LYPD6B: variants seen among roughly 807,000 people sequenced by gnomAD.
LYPD6B encodes the protein LY6/PLAUR domain containing 6B, also known as ly6/PLAUR domain-containing protein 6B.
LYPD6B carries 17 observed loss-of-function variants against 22.8 expected under a neutral mutation model. That is an observed-to-expected ratio of 0.75 (90% CI 0.51 to 1.12). The LOEUF (loss-of-function observed/expected upper bound fraction) is 1.12, where lower values mean the gene tolerates loss of function less well. Ranked by LOEUF, LYPD6B falls within the 50% of genes most tolerant of loss-of-function variation. The pLI is 0.00. For missense variants in LYPD6B, 221 were observed against 258.3 expected (o/e 0.86, Z 0.99); for synonymous variants, 106 against 91.6 (o/e 1.16, Z -0.90).
intron 1 of LYPD6B, among the ~76,000 whole-genome samples, chr2:149,124,343 A>G (rs1476112045): frequency 6.6e-6 from 1 of 152,198 alleles, no homozygotes; most frequent in Non-Finnish European, 1.5e-5. Context: ...CTTTGCATAT[A>G]GCAGATAATT....
chr2:149,042,450 A>G (rs1046737033), intron 1 of LYPD6B, among the ~76,000 whole-genome samples: 1 of 152,204 alleles, frequency 6.6e-6, no homozygotes, highest in Admixed American at 6.5e-5. Flanking sequence ...AGACATGATC[A>G]CTAATGCTGG....
At chr2:149,212,867 T>C in intron 5 of LYPD6B, 125 bp from the exon 6 acceptor site, 2 of 920,568 alleles carry the variant, frequency 2.2e-6, no homozygotes, top group Non-Finnish European at 3.2e-6. Flanking sequence ...ATGTCTTGCC[T>C]AAAAACCCCA....
intron 1 of LYPD6B, among the ~76,000 whole-genome samples, chr2:149,058,883 G>A (rs1683934965): frequency 6.6e-6 from 1 of 152,334 alleles, no homozygotes; most frequent in Admixed American, 6.5e-5. Context: ...GCCTCCCAAA[G>A]TGCTGGGATT....
At chr2:149,130,743 T>C (rs1687976671) in intron 1 of LYPD6B, 140 bp from the exon 2 acceptor site, 1 of 494,014 alleles carries the variant, frequency 2.0e-6, no homozygotes. Flanking sequence ...ACCTGGTTTG[T>C]GGTTAGGAAA....
rs1553502979 is a variant in LYPD6B at position 149,205,375 on chromosome 2, A to G, written c.200A>G (p.Asn67Ser). Residue 67 changes from asparagine (N) to serine (S), a missense_variant, in exon 4 of 7, where the codon AAC becomes AGC. Asn to Ser is a conservative substitution (Grantham distance 46). Transcript: ENST00000409642. ...AGCTGGGCATTTGCCAAGAACATCA[A>G]CTTCTATAATGTGAGGCCTCCTCTC... is the stretch of plus-strand genomic sequence containing the variant. ...SESWAFAKNINFYNVRPPLDP... is the reference protein window; with the variant it reads ...SESWAFAKNISFYNVRPPLDP... 2 of 1,613,986 alleles carry G rather than the reference A, an allele frequency of 1.2e-6. No individual in the cohort carries two copies. The highest frequency in any genetic ancestry group is 1.7e-5 in the Admixed American group (1 of 60,030).
chr2:149,052,904 C>T (rs1461002157), intron 1 of LYPD6B, among the ~76,000 whole-genome samples: 1 of 152,172 alleles, frequency 6.6e-6, no homozygotes, highest in Non-Finnish European at 1.5e-5. Context: ...CATTTGGTGT[C>T]CATTCTTCTC....
chr2:149,113,664 T>TA lies in LYPD6B; in HGVS notation c.-66-17212dup, dbSNP rs570886256. The stretch of plus-strand genomic sequence containing the variant: ...TCTCACTATAGTCTCTAGTGGGTTT[T>TA]AAAAAAATAGATCTAGAAATTGCTA... On this transcript the variant is annotated intron_variant, in intron 1 of 6. Coordinates refer to ENST00000409642, the MANE Select transcript of LYPD6B (RefSeq NM_177964.5). Among the ~76,000 whole-genome samples, 54 of 152,162 alleles carry TA rather than the reference T, an allele frequency of 3.5e-4. No homozygotes were observed. In the South Asian group the frequency reaches 3.9e-3, roughly 11 times the overall value.
chr2:149,189,823 A>G (rs1692380646), intron 3 of LYPD6B, among the ~76,000 whole-genome samples: 1 of 152,142 alleles, frequency 6.6e-6, no homozygotes, highest in African/African-American at 2.4e-5. Flanking sequence ...ATTGTCAGGT[A>G]CCCCTATGCC....
intron 3 of LYPD6B, among the ~76,000 whole-genome samples, chr2:149,188,138 A>T (rs1525169): frequency 0.83 from 125,552 of 152,124 alleles, 53,645 homozygotes; most frequent in South Asian, 0.97. Context: ...GCTCACCTGT[A>T]TGGATGTTGT....
intron 3 of LYPD6B, 37 bp from the exon 4 acceptor site, chr2:149,205,216 T>C (rs1693429072): frequency 1.3e-6 from 2 of 1,572,822 alleles, no homozygotes; most frequent in Non-Finnish European, 1.7e-6. Flanking sequence ...TGATGTAAAA[T>C]ATAAAGAAAC....
intron 1 of LYPD6B, among the ~76,000 whole-genome samples, chr2:149,111,968 GGAA>G (rs1322557984): frequency 1.3e-5 from 2 of 152,160 alleles, no homozygotes; most frequent in Admixed American, 6.6e-5. Context: ...TCAAAGTTGA[GGAA>G]AATAAGGTCT....
intron 1 of LYPD6B, among the ~76,000 whole-genome samples, chr2:149,046,660 T>A (rs1326974664): frequency 6.6e-6 from 1 of 152,144 alleles, no homozygotes; most frequent in Non-Finnish European, 1.5e-5. Context: ...TTCTTACCTA[T>A]GCCTCTTTAC....
At chr2:149,136,565 A>T (rs1449532070) in intron 2 of LYPD6B, among the ~76,000 whole-genome samples, 1 of 152,180 alleles carries the variant, frequency 6.6e-6, no homozygotes, top group Non-Finnish European at 1.5e-5. Flanking sequence ...CTACTGAAAG[A>T]TTTTACTGTG....
chr2:149,100,171 A>C (rs1033570423), intron 1 of LYPD6B, among the ~76,000 whole-genome samples: 1 of 152,000 alleles, frequency 6.6e-6, no homozygotes, highest in Non-Finnish European at 1.5e-5. Flanking sequence ...CTGTATTTTC[A>C]AGTTATCATC....
chr2:149,165,596 A>T (rs866650329), intron 3 of LYPD6B, among the ~76,000 whole-genome samples: 1 of 152,190 alleles, frequency 6.6e-6, no homozygotes, highest in Admixed American at 6.5e-5. Flanking sequence ...AGTCCTTTAG[A>T]TATCATAACT....
chr2:149,082,004 A>C (rs1258846279), intron 1 of LYPD6B, among the ~76,000 whole-genome samples: 2 of 152,142 alleles, frequency 1.3e-5, no homozygotes, highest in African/African-American at 4.8e-5. Context: ...TGTGTAGTGA[A>C]GTACTGGAGT....
chr2:149,040,674 G>A (rs1347157583), intron 1 of LYPD6B, among the ~76,000 whole-genome samples: 1 of 152,168 alleles, frequency 6.6e-6, no homozygotes, highest in Non-Finnish European at 1.5e-5. Context: ...TCGGTAGGGG[G>A]CGCAATTCCC....
Position 149,164,418 on chromosome 2 carries a change from A to G in LYPD6B, c.77+3583A>G, listed in dbSNP as rs73010480. 3.1e-3 allele frequency among the ~76,000 whole-genome samples: 479 copies of G among 152,164 alleles called. 6 individuals carry two copies. The highest frequency in any genetic ancestry group is 0.011 in the African/African-American group (463 of 41,518). On this transcript the variant is annotated intron_variant, in intron 3 of 6. Transcript: ENST00000409642. Reference sequence around the variant, plus strand: ...ATATCTGGACCATGGATATGACATGATTGGTTCTGACTGGCTCCCCTGATT... The same window carrying G: ...ATATCTGGACCATGGATATGACATGGTTGGTTCTGACTGGCTCCCCTGATT...
intron 1 of LYPD6B, among the ~76,000 whole-genome samples, chr2:149,060,945 G>A (rs1418834256): frequency 6.6e-6 from 1 of 152,162 alleles, no homozygotes; most frequent in African/African-American, 2.4e-5. Context: ...CAAGGGTCTG[G>A]TTTCAATTAG....
Sources: allele counts gnomAD v4.1 joint callset (sites outside exome capture counted in the v4.1 genomes callset), GRCh38; gene constraint gnomAD v4.1.1; transcripts MANE v1.5; gene names NCBI Gene and HGNC (gene_info 2026-07-23, HGNC 2026-07-21).